The following SLC35F1 variants were observed in gnomAD, a reference collection of about 807,000 sequenced individuals.
The protein encoded by SLC35F1 is chromosome 6 open reading frame 169.
A neutral mutation model predicts 48.7 loss-of-function variants in SLC35F1; 14 were observed. That is an observed-to-expected ratio of 0.29 (90% confidence interval 0.19 to 0.45). The LOEUF (loss-of-function observed/expected upper bound fraction) is 0.45. Ranked by LOEUF, SLC35F1 falls within the 20% of genes least tolerant of loss-of-function variation. SLC35F1 has a pLI of 1.00. For synonymous variants in SLC35F1, 190 were observed against 202.2 expected (o/e 0.94, Z 0.51); for missense variants, 404 against 500.0 (o/e 0.81, Z 1.83).
rs547934824 is a variant in SLC35F1 at position 118,034,280 on chromosome 6, G to T, written c.174-120165G>T. ...AGGCAACACAAAAACAGGCCTGGCT[G>T]GGTATGGTGGCTCAAACCTGTAATC... On this transcript the variant is annotated intron_variant, in intron 1 of 7. Transcript: ENST00000360388. Among the ~76,000 whole-genome samples, 39 of 152,166 alleles carry T rather than the reference G, an allele frequency of 2.6e-4. 1 individual carries two copies. The South Asian group carries it at 7.9e-3, about 31-fold the overall frequency.
intron 2 of SLC35F1, among the ~76,000 whole-genome samples, chr6:118,198,491 A>G (rs1774831202): frequency 6.6e-6 from 1 of 152,244 alleles, no homozygotes; most frequent in Non-Finnish European, 1.5e-5. Flanking sequence ...TCTGAAAGCA[A>G]ATTAGTGAAA....
At position 118,188,505 on chromosome 6, in the gene SLC35F1, G is replaced by A. The variant is rs571186582; in HGVS notation, c.349+33885G>A. 1.8e-4 allele frequency among the ~76,000 whole-genome samples: 28 copies of A among 151,482 alleles called. No individual in the cohort carries two copies. In the South Asian group the frequency reaches 4.0e-3, roughly 21 times the overall value. On this transcript the variant is annotated intron_variant, in intron 2 of 7. Transcript: ENST00000360388. Reference sequence around the variant, plus strand: ...GCAGAGGTTGCGGTGAGCCAAGACCGTGCCGTTGTACTCCAGCCTGGGCAA... The same window carrying A: ...GCAGAGGTTGCGGTGAGCCAAGACCATGCCGTTGTACTCCAGCCTGGGCAA...
chr6:118,208,670 T>A (rs1192130070), intron 2 of SLC35F1, among the ~76,000 whole-genome samples: 1 of 152,130 alleles, frequency 6.6e-6, no homozygotes, highest in African/African-American at 2.4e-5. Context: ...ATAGAAAAAA[T>A]ACCCATTGTT....
At chr6:117,983,819 C>T (rs974268666) in intron 1 of SLC35F1, among the ~76,000 whole-genome samples, 1 of 152,122 alleles carries the variant, frequency 6.6e-6, no homozygotes, top group African/African-American at 2.4e-5. Flanking sequence ...TGATCCCTTA[C>T]ACCTGTTGTG....
chr6:118,233,848 G>A (rs1034355769), intron 2 of SLC35F1, among the ~76,000 whole-genome samples: 47 of 152,192 alleles, frequency 3.1e-4, no homozygotes, highest in African/African-American at 1.1e-3. Context: ...CTTTGTGCAT[G>A]CTTGAAGGCT....
chr6:118,214,845 A>G (rs1775051584), intron 2 of SLC35F1, among the ~76,000 whole-genome samples: 1 of 152,202 alleles, frequency 6.6e-6, no homozygotes, highest in Admixed American at 6.5e-5. Flanking sequence ...GTAGGCCATG[A>G]GTGCTTAAGG....
At chr6:118,072,080 T>C (rs1772740166) in intron 1 of SLC35F1, among the ~76,000 whole-genome samples, 1 of 152,242 alleles carries the variant, frequency 6.6e-6, no homozygotes, top group African/African-American at 2.4e-5. Context: ...TTTATGCATC[T>C]TACATTACCT....
intron 1 of SLC35F1, among the ~76,000 whole-genome samples, chr6:118,136,381 A>T (rs1773795633): frequency 6.6e-6 from 1 of 152,220 alleles, no homozygotes; most frequent in Non-Finnish European, 1.5e-5. Context: ...GGCTCATTTT[A>T]AAATACCTTC....
At chr6:118,130,997 G>A (rs1412617623) in intron 1 of SLC35F1, among the ~76,000 whole-genome samples, 1 of 152,058 alleles carries the variant, frequency 6.6e-6, no homozygotes, top group Non-Finnish European at 1.5e-5. Flanking sequence ...ATCTGACATG[G>A]CAAGGTAGCA....
intron 1 of SLC35F1, among the ~76,000 whole-genome samples, chr6:117,958,336 A>G (rs1433718040): frequency 6.6e-6 from 1 of 152,200 alleles, no homozygotes; most frequent in African/African-American, 2.4e-5. Flanking sequence ...TGAAAAAAGG[A>G]AAATTTTAAA....
chr6:117,946,343 AT>A (rs1391340669), intron 1 of SLC35F1, among the ~76,000 whole-genome samples: 1 of 152,224 alleles, frequency 6.6e-6, no homozygotes, highest in Non-Finnish European at 1.5e-5. Flanking sequence ...ATCAAATATA[AT>A]TCTCACAACA....
chr6:117,921,448 C>G (rs974509188), intron 1 of SLC35F1, among the ~76,000 whole-genome samples: 2 of 152,180 alleles, frequency 1.3e-5, no homozygotes, highest in African/African-American at 4.8e-5. Context: ...AAATTTTACT[C>G]TTTTTTAGCT....
intron 1 of SLC35F1, among the ~76,000 whole-genome samples, chr6:118,108,809 T>C (rs1211910707): frequency 1.3e-5 from 2 of 152,198 alleles, no homozygotes; most frequent in Non-Finnish European, 2.9e-5. Context: ...GAAATGAGTT[T>C]AGCTTCTTAT....
chr6:118,257,084 T>C (rs1240435625), intron 3 of SLC35F1, among the ~76,000 whole-genome samples: 2 of 152,166 alleles, frequency 1.3e-5, no homozygotes, highest in African/African-American at 2.4e-5. Flanking sequence ...GAAGGACTCC[T>C]GTCCTTCCCA....
chr6:118,107,068 G>T (rs1280767571), intron 1 of SLC35F1, among the ~76,000 whole-genome samples: 1 of 152,138 alleles, frequency 6.6e-6, no homozygotes, highest in Non-Finnish European at 1.5e-5. Context: ...TTCCCCAATG[G>T]ATGGCAAGCT....
chr6:118,085,487 CTTTTTTTTTT>C (rs59548308), intron 1 of SLC35F1, among the ~76,000 whole-genome samples: 6 of 56,938 alleles, frequency 1.1e-4, no homozygotes, highest in African/African-American at 1.5e-4. Context: ...TCTTTCTTTC[CTTTTTTTTTT>C]TTTTTTTTTT....
intron 3 of SLC35F1, among the ~76,000 whole-genome samples, chr6:118,257,517 C>T (rs1775661099): frequency 6.6e-6 from 1 of 152,144 alleles, no homozygotes; most frequent in South Asian, 2.1e-4. Flanking sequence ...GTTTGATCTC[C>T]ATTGGTTCTT....
intron 3 of SLC35F1, among the ~76,000 whole-genome samples, chr6:118,255,307 G>A (rs62421485): frequency 0.09 from 13,702 of 152,216 alleles, 624 homozygotes; most frequent in Middle Eastern, 0.15. Context: ...GTATCAGGGA[G>A]CCTGGCATAT....
chr6:118,217,053 T>C (rs1306373090), intron 2 of SLC35F1, among the ~76,000 whole-genome samples: 1 of 152,120 alleles, frequency 6.6e-6, no homozygotes, highest in African/African-American at 2.4e-5. Context: ...AAAAAAAAAG[T>C]TCCCTACAGC....
Sources: gnomAD v4.1 joint callset for allele counts (sites outside exome capture counted in the v4.1 genomes callset) on GRCh38, gnomAD v4.1.1 for gene constraint, MANE v1.5 for transcripts, NCBI Gene and HGNC (gene_info 2026-07-23, HGNC 2026-07-21) for gene names.